TYR: variants seen among roughly 807,000 people sequenced by gnomAD.
TYR encodes the protein tyrosinase, also known as LB24-AB.
Under a neutral mutation model 51.5 loss-of-function variants are expected in TYR, and 58 were observed. The ratio of observed to expected loss-of-function variants is 1.13; its 90% CI spans 0.91 to 1.40. The LOEUF (loss-of-function observed/expected upper bound fraction) is 1.40. Among genes scored for constraint, TYR ranks in the 40% most tolerant of loss-of-function variants. The pLI, the probability that TYR is intolerant of heterozygous loss-of-function variation, is 0.00. For synonymous variants in TYR, 263 were observed against 235.2 expected, an observed-to-expected ratio of 1.12 and a Z score of -1.08; for missense variants, 732 against 647.4, an observed-to-expected ratio of 1.13 and a Z score of -1.42.
chr11:89,223,149 T>A (rs1943935020), intron 2 of TYR, among the ~76,000 whole-genome samples: 1 of 152,222 alleles, frequency 6.6e-6, no homozygotes, highest in Non-Finnish European at 1.5e-5. Context: ...CTAGCTTTAA[T>A]GTATGTGTTA....
At chr11:89,197,898 GCTTC>G (rs66496344) in intron 2 of TYR, among the ~76,000 whole-genome samples, 33,710 of 151,692 alleles carry the variant, frequency 0.22, 5,917 homozygotes, top group African/African-American at 0.49. Context: ...CTGATATTAT[GCTTC>G]CTTCTCTAGA....
chr11:89,288,022 C>T (rs1565424894), intron 4 of TYR, among the ~76,000 whole-genome samples: 2 of 151,878 alleles, frequency 1.3e-5, no homozygotes, highest in Non-Finnish European at 2.9e-5. Flanking sequence ...ATAATTCACT[C>T]ATATAATAAC....
chr11:89,244,357 TTC>T (rs571921809), intron 3 of TYR, among the ~76,000 whole-genome samples: 87 of 152,098 alleles, frequency 5.7e-4, no homozygotes, highest in African/African-American at 2.0e-3. Flanking sequence ...TACTCTGTAT[TTC>T]TCTCTGTCCA....
intron 3 of TYR, among the ~76,000 whole-genome samples, chr11:89,240,293 T>A (rs986303140): frequency 3.3e-5 from 5 of 151,824 alleles, no homozygotes; most frequent in African/African-American, 9.7e-5. Flanking sequence ...ACATAAAGGA[T>A]CCAATTGGTA....
chr11:89,218,666 C>G (rs1290237556), intron 2 of TYR, among the ~76,000 whole-genome samples: 1 of 152,140 alleles, frequency 6.6e-6, no homozygotes, highest in Non-Finnish European at 1.5e-5. Flanking sequence ...TCACTACAAT[C>G]CTACTTTTCT....
chr11:89,229,130 T>C (rs949637991), intron 3 of TYR, among the ~76,000 whole-genome samples: 21 of 152,130 alleles, frequency 1.4e-4, no homozygotes, highest in African/African-American at 5.1e-4. Flanking sequence ...TTCATTCATG[T>C]CCACAGGAAC....
At chr11:89,247,563 ATAACT>A (rs762178823) in intron 3 of TYR, among the ~76,000 whole-genome samples, 9 of 152,214 alleles carry the variant, frequency 5.9e-5, no homozygotes, top group African/African-American at 9.6e-5. Context: ...TAAAATATTG[ATAACT>A]TAAAAAGCTT....
chr11:89,194,650 T>TTCTATCTA (rs34029150), intron 2 of TYR, among the ~76,000 whole-genome samples: 18,973 of 150,538 alleles, frequency 0.13, 1,653 homozygotes, highest in African/African-American at 0.25. Context: ...CCTCCATTTT[T>TTCTATCTA]TCTATCTATC....
intron 4 of TYR, among the ~76,000 whole-genome samples, chr11:89,287,319 T>C (rs1252517904): frequency 6.6e-6 from 1 of 151,916 alleles, no homozygotes; most frequent in East Asian, 1.9e-4. Context: ...CCACACCTCT[T>C]AATACTCTGG....
At chr11:89,205,520 A>G (rs1056692531) in intron 2 of TYR, among the ~76,000 whole-genome samples, 1 of 152,188 alleles carries the variant, frequency 6.6e-6, no homozygotes, top group East Asian at 1.9e-4. Flanking sequence ...TATCTTATCT[A>G]TTGTGGAAAA....
intron 2 of TYR, among the ~76,000 whole-genome samples, chr11:89,222,144 T>C (rs960978045): frequency 7.9e-5 from 12 of 152,178 alleles, no homozygotes; most frequent in African/African-American, 2.9e-4. Flanking sequence ...TGTCAGAATA[T>C]AGAAGGTGAA....
At chr11:89,241,885 G>A (rs994102745) in intron 3 of TYR, among the ~76,000 whole-genome samples, 12 of 149,274 alleles carry the variant, frequency 8.0e-5, no homozygotes, top group African/African-American at 1.7e-4. Flanking sequence ...ATTATGTAAC[G>A]TATTGCAGTC....
intron 3 of TYR, among the ~76,000 whole-genome samples, chr11:89,250,300 CT>C (rs1944315766): frequency 6.6e-6 from 1 of 151,702 alleles, no homozygotes; most frequent in Admixed American, 6.6e-5. Flanking sequence ...TAATTATTTC[CT>C]TTTTTAAAGT....
chr11:89,224,141 G>T (rs968270126), intron 2 of TYR, among the ~76,000 whole-genome samples: 1 of 152,038 alleles, frequency 6.6e-6, no homozygotes, highest in African/African-American at 2.4e-5. Context: ...TGCTAGGGTG[G>T]TACCTAATGG....
intron 2 of TYR, among the ~76,000 whole-genome samples, chr11:89,216,458 C>T (rs960731939): frequency 1.5e-4 from 22 of 151,702 alleles, no homozygotes; most frequent in Non-Finnish European, 2.6e-4. Flanking sequence ...TTGACACGAG[C>T]CCAGGCAACA....
intron 2 of TYR, among the ~76,000 whole-genome samples, chr11:89,224,787 GC>G (rs1232122860): frequency 6.6e-6 from 1 of 152,120 alleles, no homozygotes; most frequent in Non-Finnish European, 1.5e-5. Context: ...TGCTAGTGTT[GC>G]CAACATGTAT....
chr11:89,245,778 T>C (rs1170199809), intron 3 of TYR, among the ~76,000 whole-genome samples: 4 of 151,812 alleles, frequency 2.6e-5, no homozygotes, highest in South Asian at 4.1e-4. Context: ...AAAAATTAGC[T>C]GGGCTTGGTG....
rs185195613 is a variant in TYR, at chr11:89,219,089, C to T, written c.1037-8734C>T. 1.1e-4 allele frequency among the ~76,000 whole-genome samples: 17 copies of T among 152,240 alleles called. No homozygotes were observed. In the East Asian group the frequency reaches 2.3e-3, roughly 21 times the overall value. On this transcript the variant is annotated intron_variant, in intron 2 of 4. Transcript: ENST00000263321. ...TATTTGTAAATTACTTAGAACCATCCTTTTATTGCAATAATGAAAGTTCCT... is the reference window on the plus strand; with the variant it reads ...TATTTGTAAATTACTTAGAACCATCTTTTTATTGCAATAATGAAAGTTCCT...
intron 3 of TYR, among the ~76,000 whole-genome samples, chr11:89,271,808 A>G (rs548298687): frequency 4.6e-5 from 7 of 151,940 alleles, no homozygotes; most frequent in Non-Finnish European, 7.4e-5. Context: ...AGAATATTCT[A>G]AGTACTTTGT....
Sources: gnomAD v4.1 joint callset for allele counts (sites outside exome capture counted in the v4.1 genomes callset) on GRCh38, gnomAD v4.1.1 for gene constraint, MANE v1.5 for transcripts, NCBI Gene and HGNC (gene_info 2026-07-23, HGNC 2026-07-21) for gene names.